The following ADGRL3 variants were observed in gnomAD, a reference collection of about 807,000 sequenced individuals.
The protein encoded by ADGRL3 is adhesion G protein-coupled receptor L3.
Under a neutral mutation model 153.5 loss-of-function variants are expected in ADGRL3, and 62 were observed. That is an observed-to-expected ratio of 0.40 (90% CI 0.33 to 0.50). The LOEUF is 0.50. ADGRL3 is among the 20% of genes least tolerant of loss of function. The pLI is 0.47. For synonymous variants in ADGRL3, 710 were observed against 672.5 expected, an observed-to-expected ratio of 1.06 and a Z score of -0.86; for missense variants, 1,641 against 1,859.4, an observed-to-expected ratio of 0.88 and a Z score of 2.16.
chr4:61,284,275 C>A (rs2093840892), intron 1 of ADGRL3, among the ~76,000 whole-genome samples: 2 of 151,842 alleles, frequency 1.3e-5, no homozygotes, highest in Admixed American at 1.3e-4. Context: ...TAGCAGCTCA[C>A]CATCAGATTG....
At chr4:61,875,761 T>G (rs2098471337) in intron 9 of ADGRL3, among the ~76,000 whole-genome samples, 1 of 152,260 alleles carries the variant, frequency 6.6e-6, no homozygotes, top group Non-Finnish European at 1.5e-5. Flanking sequence ...AGATACTATT[T>G]TATCTATTTG....
chr4:61,521,869 A>G (rs335319), intron 4 of ADGRL3, among the ~76,000 whole-genome samples: 115,164 of 151,920 alleles, frequency 0.76, 44,016 homozygotes, highest in East Asian at 0.94. Context: ...ATTTAAGGAC[A>G]CATAACTTAA....
At chr4:61,357,071 C>T (rs567851750) in intron 1 of ADGRL3, among the ~76,000 whole-genome samples, 3 of 151,926 alleles carry the variant, frequency 2.0e-5, no homozygotes, top group Admixed American at 6.6e-5. Flanking sequence ...AAATTCTGCC[C>T]GCACATACTC....
At chr4:61,618,264 T>A (rs1164359373) in intron 5 of ADGRL3, among the ~76,000 whole-genome samples, 1 of 152,214 alleles carries the variant, frequency 6.6e-6, no homozygotes, top group Non-Finnish European at 1.5e-5. Flanking sequence ...CTATGTTTTA[T>A]CTTTTTATCT....
intron 1 of ADGRL3, among the ~76,000 whole-genome samples, chr4:61,283,836 C>CTGAT (rs1560424104): frequency 6.6e-6 from 1 of 151,970 alleles, no homozygotes; most frequent in Non-Finnish European, 1.5e-5. Flanking sequence ...CTTTAAGCAC[C>CTGAT]TGATTGTCCG....
At chr4:61,422,827 ATATT>A (rs1456803023) in intron 2 of ADGRL3, among the ~76,000 whole-genome samples, 1 of 151,472 alleles carries the variant, frequency 6.6e-6, no homozygotes, top group Non-Finnish European at 1.5e-5. Flanking sequence ...TAAATAATAT[ATATT>A]CTTAGAAATA....
intron 1 of ADGRL3, among the ~76,000 whole-genome samples, chr4:61,362,743 C>G (rs1483001825): frequency 6.6e-6 from 1 of 151,924 alleles, no homozygotes; most frequent in Non-Finnish European, 1.5e-5. Context: ...GGGTGACAGG[C>G]AGAAGAAAAT....
intron 5 of ADGRL3, among the ~76,000 whole-genome samples, chr4:61,596,648 T>C (rs979001643): frequency 7.9e-5 from 12 of 151,864 alleles, no homozygotes; most frequent in Non-Finnish European, 1.6e-4. Flanking sequence ...AGCCTAGGAG[T>C]TCAACCCTAG....
At chr4:61,972,997 T>G (rs1253350602) in intron 17 of ADGRL3, among the ~76,000 whole-genome samples, 1 of 152,042 alleles carries the variant, frequency 6.6e-6, no homozygotes, top group African/African-American at 2.4e-5. Flanking sequence ...AAAATTATTT[T>G]TTTCAAAAAA....
chr4:61,472,418 T>C (rs990260810), intron 2 of ADGRL3, among the ~76,000 whole-genome samples: 1 of 152,110 alleles, frequency 6.6e-6, no homozygotes, highest in African/African-American at 2.4e-5. Context: ...AAGGCACAAT[T>C]TGTGGAGAAT....
intron 25 of ADGRL3, among the ~76,000 whole-genome samples, chr4:62,063,159 GTGTTT>G (rs1441341272): frequency 1.3e-5 from 2 of 151,694 alleles, no homozygotes; most frequent in African/African-American, 4.8e-5. Context: ...TTTGTGTTTT[GTGTTT>G]TGTTTGTATG....
intron 8 of ADGRL3, among the ~76,000 whole-genome samples, chr4:61,799,626 C>A (rs560360852): frequency 6.6e-6 from 1 of 152,170 alleles, no homozygotes; most frequent in East Asian, 1.9e-4. Context: ...CCAACTTGCC[C>A]AGCATGCCTC....
At chr4:62,020,506 T>C (rs1217833807) in intron 21 of ADGRL3, among the ~76,000 whole-genome samples, 2 of 152,242 alleles carry the variant, frequency 1.3e-5, no homozygotes, top group East Asian at 3.9e-4. Context: ...GTATGTCAAC[T>C]TGCTAAAAAT....
In ADGRL3 at chr4:61,889,810, A is replaced by G. The variant is rs1207223954; in HGVS notation, c.1481-2846A>G. ...GCATGATTTGTGCAGTTGAGACAAT[A>G]GGCTGGAGAAATCTTGCACTACGTG... On this transcript the variant is annotated intron_variant, in intron 9 of 26. Transcript: ENST00000683033. Among the ~76,000 whole-genome samples the G allele has an allele frequency of 3.3e-5, 5 of 152,202 alleles. No homozygotes were observed. The East Asian group carries it at 9.6e-4, about 29-fold the overall frequency.
At chr4:61,608,618 G>A (rs1316629261) in intron 5 of ADGRL3, among the ~76,000 whole-genome samples, 2 of 152,140 alleles carry the variant, frequency 1.3e-5, no homozygotes, top group African/African-American at 2.4e-5. Context: ...TACTGCATGT[G>A]TACAAGGAGA....
chr4:61,216,731 A>C (rs776061020), intron 1 of ADGRL3, among the ~76,000 whole-genome samples: 1 of 152,296 alleles, frequency 6.6e-6, no homozygotes, highest in South Asian at 2.1e-4. Context: ...AGGAGTCGTA[A>C]AAGCATGATT....
chr4:61,260,657 C>T (rs2092435850), intron 1 of ADGRL3, among the ~76,000 whole-genome samples: 1 of 152,182 alleles, frequency 6.6e-6, no homozygotes, highest in Non-Finnish European at 1.5e-5. Context: ...ATTTGACCGT[C>T]ACTTGAATTA....
intron 1 of ADGRL3, among the ~76,000 whole-genome samples, chr4:61,344,282 A>G (rs2095858569): frequency 6.6e-6 from 1 of 152,208 alleles, no homozygotes. Context: ...CACTGCATAT[A>G]TATAAGAATT....
chr4:61,514,726 T>C (rs1188641175), intron 3 of ADGRL3, among the ~76,000 whole-genome samples: 5 of 152,176 alleles, frequency 3.3e-5, no homozygotes, highest in African/African-American at 4.8e-5. Flanking sequence ...CAAAGTCGAC[T>C]TAAGCTCCTG....
Sources: gnomAD v4.1 joint callset for allele counts (sites outside exome capture counted in the v4.1 genomes callset) on GRCh38, gnomAD v4.1.1 for gene constraint, MANE v1.5 for transcripts, NCBI Gene and HGNC (gene_info 2026-07-23, HGNC 2026-07-21) for gene names.